Variants in FBXO15 observed in about 807,000 individuals in gnomAD.
The protein encoded by FBXO15 is F-box protein 15, also known as F-box only protein 15.
A neutral mutation model predicts 49.5 loss-of-function variants in FBXO15; 30 were observed. That is an observed-to-expected ratio of 0.61 (90% CI 0.45 to 0.82). The LOEUF (loss-of-function observed/expected upper bound fraction) is 0.82, where lower values mean the gene tolerates loss of function less well. FBXO15 is among the 40% of genes least tolerant of loss of function. The pLI, the probability that FBXO15 is intolerant of heterozygous loss-of-function variation, is 0.00. For synonymous variants in FBXO15, 250 were observed against 232.7 expected (o/e 1.07, Z -0.68); for missense variants, 591 against 631.5 (o/e 0.94, Z 0.69).
intron 8 of FBXO15, among the ~76,000 whole-genome samples, chr18:74,118,439 C>CATATATATATATGTGTATAT (rs1660720327): frequency 6.6e-6 from 1 of 151,494 alleles, no homozygotes; most frequent in African/African-American, 2.4e-5. Flanking sequence ...TGTATATACA[C>CATATATATATATGTGTATAT]ACACACATGT....
At chr18:74,134,531 G>C (rs1978596111) in intron 3 of FBXO15, among the ~76,000 whole-genome samples, 1 of 150,616 alleles carries the variant, frequency 6.6e-6, no homozygotes, top group African/African-American at 2.5e-5. Flanking sequence ...ACCATGCCCA[G>C]CTAATTTTTT....
At chr18:74,142,469 G>A (rs1979140295) in intron 1 of FBXO15, among the ~76,000 whole-genome samples, 1 of 152,160 alleles carries the variant, frequency 6.6e-6, no homozygotes, top group African/African-American at 2.4e-5. Context: ...TTATGTCTCA[G>A]TAGCCAGATG....
intron 8 of FBXO15, among the ~76,000 whole-genome samples, chr18:74,087,283 TA>T (rs1442695960): frequency 2.0e-5 from 3 of 152,122 alleles, no homozygotes; most frequent in African/African-American, 7.2e-5. Context: ...GGAGGTTTGT[TA>T]TATAGGTAAA....
At chr18:74,076,784 A>T (rs1406563083) in intron 9 of FBXO15, among the ~76,000 whole-genome samples, 3 of 152,160 alleles carry the variant, frequency 2.0e-5, no homozygotes, top group African/African-American at 7.2e-5. Flanking sequence ...TTAAGGCCTG[A>T]CCTGGCCTCA....
At chr18:74,126,151 C>T (rs1190893208) in intron 5 of FBXO15, 50 bp from the exon 6 acceptor site, 13 of 1,604,560 alleles carry the variant, frequency 8.1e-6, no homozygotes, top group Non-Finnish European at 1.1e-5. Context: ...GCTTTCCTGT[C>T]CATAGTGTTG....
chr18:74,085,850 A>C (rs1193081772), intron 8 of FBXO15, among the ~76,000 whole-genome samples: 2 of 152,240 alleles, frequency 1.3e-5, no homozygotes, highest in African/African-American at 4.8e-5. Flanking sequence ...GGTAGGAAAA[A>C]CAAAGAAGAA....
chr18:74,119,983 G>C (rs1357277464), intron 8 of FBXO15, among the ~76,000 whole-genome samples: 2 of 152,200 alleles, frequency 1.3e-5, no homozygotes, highest in Admixed American at 1.3e-4. Context: ...CACCAGGTCA[G>C]GCTAGATGCC....
chr18:74,088,673 C>G (rs1305987545), intron 8 of FBXO15, among the ~76,000 whole-genome samples: 1 of 152,104 alleles, frequency 6.6e-6, no homozygotes, highest in Non-Finnish European at 1.5e-5. Flanking sequence ...TTAGGATTGC[C>G]TTGACTATTT....
chr18:74,083,299 C>T (rs1381902806), intron 8 of FBXO15, among the ~76,000 whole-genome samples: 1 of 152,244 alleles, frequency 6.6e-6, no homozygotes, highest in Non-Finnish European at 1.5e-5. Flanking sequence ...GGACCCTTCC[C>T]AGGCAACAGC....
intron 3 of FBXO15, among the ~76,000 whole-genome samples, chr18:74,133,899 C>T (rs1229000790): frequency 6.6e-6 from 1 of 152,174 alleles, no homozygotes; most frequent in Non-Finnish European, 1.5e-5. Context: ...GGGATCTGTT[C>T]CCATGACCCA....
intron 8 of FBXO15, among the ~76,000 whole-genome samples, chr18:74,095,363 G>C (rs1913230211): frequency 6.6e-6 from 1 of 152,170 alleles, no homozygotes; most frequent in Non-Finnish European, 1.5e-5. Context: ...ATCACTTCTA[G>C]CTTTTGATGT....
chr18:74,139,482 AAAT>A (rs1246733139), intron 2 of FBXO15, among the ~76,000 whole-genome samples: 1 of 152,240 alleles, frequency 6.6e-6, no homozygotes, highest in East Asian at 1.9e-4. Flanking sequence ...GCTTTTTTTA[AAAT>A]ACACTGAAAT....
intron 8 of FBXO15, among the ~76,000 whole-genome samples, chr18:74,122,329 G>A (rs775993231): frequency 1.3e-5 from 2 of 152,212 alleles, no homozygotes; most frequent in African/African-American, 2.4e-5. Flanking sequence ...CAGCACATTA[G>A]GCAGCAAGCC....
intron 8 of FBXO15, among the ~76,000 whole-genome samples, chr18:74,107,095 T>C (rs1802264366): frequency 6.6e-6 from 1 of 152,098 alleles, no homozygotes; most frequent in East Asian, 1.9e-4. Flanking sequence ...TATTCTGAAT[T>C]TTCAAATCGC....
At chr18:74,118,404 A>ATATATACATATATATATATATATGTG (rs1914325299) in intron 8 of FBXO15, among the ~76,000 whole-genome samples, 1 of 135,046 alleles carries the variant, frequency 7.4e-6, no homozygotes, top group Non-Finnish European at 1.5e-5. Flanking sequence ...GTATATACAC[A>ATATATACATATATATATATATATGTG]TATATACACA....
intron 2 of FBXO15, among the ~76,000 whole-genome samples, chr18:74,139,253 C>G (rs574371273): frequency 2.0e-5 from 3 of 152,352 alleles, no homozygotes; most frequent in Admixed American, 6.5e-5. Context: ...GCCTCCCCGA[C>G]TAATCATCAG....
intron 8 of FBXO15, among the ~76,000 whole-genome samples, chr18:74,083,509 C>T (rs549180329): frequency 2.0e-4 from 31 of 152,196 alleles, no homozygotes; most frequent in Middle Eastern, 3.2e-3. Context: ...GGCAGGCAGC[C>T]GACGGCGCCT....
intron 2 of FBXO15, among the ~76,000 whole-genome samples, chr18:74,136,781 G>A (rs932591231): frequency 6.6e-6 from 1 of 152,130 alleles, no homozygotes. Context: ...TCAGGAGTGC[G>A]CCTCTGTGAA....
intron 8 of FBXO15, among the ~76,000 whole-genome samples, chr18:74,121,635 G>A (rs1356201517): frequency 1.3e-5 from 2 of 152,072 alleles, no homozygotes; most frequent in Non-Finnish European, 2.9e-5. Flanking sequence ...AAGACAAAGA[G>A]GATATCTACA....
Sources: gnomAD v4.1 joint callset for allele counts (sites outside exome capture counted in the v4.1 genomes callset) on GRCh38, gnomAD v4.1.1 for gene constraint, MANE v1.5 for transcripts, NCBI Gene and HGNC (gene_info 2026-07-23, HGNC 2026-07-21) for gene names.